The following SLC8B1 variants were observed in gnomAD, a reference collection of about 807,000 sequenced individuals.
SLC8B1 encodes mitochondrial sodium/calcium exchanger protein.
In SLC8B1, 52 loss-of-function variants were observed where a neutral mutation model predicts 63.4. That is an observed-to-expected ratio of 0.82 (90% CI 0.66 to 1.03). The LOEUF (loss-of-function observed/expected upper bound fraction) is 1.03. Among genes scored for constraint, SLC8B1 ranks in the 50% least tolerant of loss-of-function variants. The pLI is 0.00. For missense variants in SLC8B1, 657 were observed against 741.7 expected, an observed-to-expected ratio of 0.89 and a Z score of 1.33; for synonymous variants, 336 against 323.9, an observed-to-expected ratio of 1.04 and a Z score of -0.40.
intron 10 of SLC8B1, among the ~76,000 whole-genome samples, chr12:113,315,956 G>A (rs1593248404): frequency 6.6e-6 from 1 of 152,332 alleles, no homozygotes; most frequent in South Asian, 2.1e-4. Flanking sequence ...TGGATGCGGT[G>A]GCTCACGCCT....
intron 3 of SLC8B1, 40 bp from the exon 4 acceptor site, chr12:113,321,148 G>C: frequency 1.9e-6 from 3 of 1,613,978 alleles, no homozygotes; most frequent in Non-Finnish European, 2.5e-6. Context: ...GTCAAGTCCA[G>C]CTGGAGACAC....
chr12:113,316,395 TCA>T, intron 10 of SLC8B1, 129 bp downstream of exon 10: 1 of 1,236,252 alleles, frequency 8.1e-7, no homozygotes, highest in South Asian at 1.5e-5. Flanking sequence ...CCCCATCAAA[TCA>T]CAAGTCATGT....
At chr12:113,317,257 A>G (rs1388202397) in intron 8 of SLC8B1, among the ~76,000 whole-genome samples, 2 of 151,964 alleles carry the variant, frequency 1.3e-5, no homozygotes, top group Non-Finnish European at 2.9e-5. Flanking sequence ...ATGCCCAGCT[A>G]ATTTTTAAAA....
At chr12:113,316,093 G>A (rs532396673) in intron 10 of SLC8B1, among the ~76,000 whole-genome samples, 2 of 152,008 alleles carry the variant, frequency 1.3e-5, no homozygotes, top group Admixed American at 6.6e-5. Flanking sequence ...GCGTGGTGGC[G>A]GGCGCCTATA....
At chr12:113,308,681 G>A (rs776098113) in intron 12 of SLC8B1, 3 of 152,120 alleles carry the variant, frequency 2.0e-5, no homozygotes, top group East Asian at 1.9e-4. Flanking sequence ...TGTGGCACAC[G>A]TCGGTACTTG....
chr12:113,311,080 C>T (rs1324905751), intron 11 of SLC8B1, among the ~76,000 whole-genome samples: 2 of 152,130 alleles, frequency 1.3e-5, no homozygotes. Flanking sequence ...TTTGGGAGGC[C>T]ACAGCGTGCA....
intron 11 of SLC8B1, among the ~76,000 whole-genome samples, chr12:113,311,351 A>G (rs1397146520): frequency 1.3e-5 from 2 of 152,040 alleles, no homozygotes; most frequent in African/African-American, 4.8e-5. Context: ...TCAGGAGGCT[A>G]AGGCAGGAGA....
At chr12:113,332,665 T>C (rs1566248316) in intron 2 of SLC8B1, 58 bp downstream of exon 2, 3 of 1,542,946 alleles carry the variant, frequency 1.9e-6, no homozygotes, top group Non-Finnish European at 2.6e-6. Flanking sequence ...TCAATAGATA[T>C]TTATCGATTG....
At chr12:113,312,933 T>C (rs1282229916) in intron 11 of SLC8B1, among the ~76,000 whole-genome samples, 1 of 151,222 alleles carries the variant, frequency 6.6e-6, no homozygotes, top group African/African-American at 2.4e-5. Context: ...TGAGACAGAG[T>C]CTCACTCTGT....
At position 113,320,845 on chromosome 12, in the gene SLC8B1, G is replaced by C. The variant is rs1566239144; in HGVS notation, c.420+5C>G. The C allele has an allele frequency of 6.2e-7, 1 of 1,601,524 alleles. No homozygotes were observed. The highest frequency in any genetic ancestry group is 1.1e-5 in the South Asian group (1 of 88,482). On this transcript the variant is annotated splice_donor_5th_base_variant and intron_variant, in intron 5 of 15. Transcript: ENST00000680972. This position sits in a 1 kb window ranked among gnomAD's most constrained non-coding sequence, Gnocchi z 5.3. ...CAGGGTGCAGGACACTGGACAAAAGGATACTGCCACGTTGTGGGAGAGCTT... is the reference window on the plus strand; with the variant it reads ...CAGGGTGCAGGACACTGGACAAAAGCATACTGCCACGTTGTGGGAGAGCTT...
chr12:113,313,820 G>A (rs1956795548), intron 11 of SLC8B1, among the ~76,000 whole-genome samples: 1 of 151,996 alleles, frequency 6.6e-6, no homozygotes. Context: ...TGACTGATGT[G>A]TGGGAATCAC....
chr12:113,333,392 C>T (rs1957083723), intron 1 of SLC8B1, among the ~76,000 whole-genome samples: 1 of 152,222 alleles, frequency 6.6e-6, no homozygotes, highest in South Asian at 2.1e-4. Flanking sequence ...CTCTGGGCCA[C>T]CAGTTTGAGA....
rs144434177 is a variant in SLC8B1 at position 113,299,863 on chromosome 12, C to T, written c.1669G>A (p.Gly557Ser). The change falls in exon 16 of 16, where the codon GGC (glycine) becomes AGC (serine). Residue 557 changes from glycine to serine, a missense_variant. Physicochemically the swap from Gly to Ser is moderately conservative, Grantham distance 56 (BLOSUM62 0). Transcript: ENST00000680972. ...LQCFQLSRVYGFCLLLFYLNF... is the reference protein window; with the variant it reads ...LQCFQLSRVYSFCLLLFYLNF... ...AGGTAGAAGAGGAGCAGGCAGAAGC[C>T]ATAGACTCTGCTGAGCTGGAAGCAC... The T allele has an allele frequency of 4.3e-6, 7 of 1,614,018 alleles. No individual in the cohort carries two copies. The African/African-American group carries it at 6.7e-5, about 15-fold the overall frequency.
At position 113,314,062 on chromosome 12, in the gene SLC8B1, T is replaced by C. The variant is rs558577934; in HGVS notation, c.1135+1273A>G. On this transcript the variant is annotated intron_variant, in intron 11 of 15. Transcript: ENST00000680972. ...AAATAAATAAAGATGCCACAACGCT[T>C]GTGAAAGCAAGTCCCTGGATTTGCC... Among the ~76,000 whole-genome samples, 3 of 152,248 alleles carry C rather than the reference T, an allele frequency of 2.0e-5. No homozygotes were observed. In the East Asian group the frequency reaches 5.8e-4, roughly 29 times the overall value.
At chr12:113,319,592 G>C (rs1028457470) in intron 7 of SLC8B1, among the ~76,000 whole-genome samples, 3 of 152,198 alleles carry the variant, frequency 2.0e-5, no homozygotes, top group South Asian at 2.1e-4. Flanking sequence ...CGAGGGATGA[G>C]TGCGTTCGCA....
rs140805006 is a variant in SLC8B1 at position 113,305,628 on chromosome 12, C to T, written c.1492+867G>A. Among the ~76,000 whole-genome samples, 301 of 152,346 alleles carry T rather than the reference C, an allele frequency of 2.0e-3. 1 individual carries two copies. Among genetic ancestry groups the T allele is most frequent in the Non-Finnish European group, 3.8e-3 (258 of 68,024 alleles). On this transcript the variant is annotated intron_variant, in intron 14 of 15. Transcript: ENST00000680972. The surrounding 1 kb of genome is among the most constrained non-coding windows in gnomAD (Gnocchi z 4.3). The stretch of plus-strand genomic sequence containing the variant: ...CAGCCCTCCGGCCAAATTTGGCCCA[C>T]TAACTGCTTTTATAAATAAAGTTTT...
In SLC8B1 at chr12:113,320,176, A is replaced by G; in HGVS notation, c.694+155T>C. On this transcript the variant is annotated intron_variant, in intron 7 of 15. Transcript: ENST00000680972. The surrounding 1 kb of genome is among the most constrained non-coding windows in gnomAD (Gnocchi z 5.3). Reference sequence around the variant, plus strand: ...TTGGTTATGTGACCCACATGTTCCCATTTTTGCTCAAGCCAGCTTGAGGAG... The same window carrying G: ...TTGGTTATGTGACCCACATGTTCCCGTTTTTGCTCAAGCCAGCTTGAGGAG... The G allele has an allele frequency of 1.1e-6, 1 of 892,260 alleles. No homozygotes were observed. The highest frequency in any genetic ancestry group is 1.7e-6 in the Non-Finnish European group (1 of 588,900). 55.3% of individuals were successfully genotyped at this position (892,260 alleles called of 1,614,324 possible). A position where few individuals can be genotyped will look rare whatever the true frequency, so the allele number is the denominator to read the frequency against.
At chr12:113,333,027 G>T in intron 1 of SLC8B1, 67 bp from the exon 2 acceptor site, 1 of 974,740 alleles carries the variant, frequency 1.0e-6, no homozygotes, top group Non-Finnish European at 1.5e-6. Flanking sequence ...AAAAGGGGCT[G>T]GAAGACTCTA....
At chr12:113,326,838 G>A (rs575632665) in intron 2 of SLC8B1, among the ~76,000 whole-genome samples, 1 of 151,920 alleles carries the variant, frequency 6.6e-6, no homozygotes, top group African/African-American at 2.4e-5. Flanking sequence ...CCCACAACCC[G>A]GCCCTACTAT....
Sources: allele counts gnomAD v4.1 joint callset (sites outside exome capture counted in the v4.1 genomes callset), GRCh38; gene constraint gnomAD v4.1.1; non-coding constraint Gnocchi (gnomAD v3.1); transcripts MANE v1.5; gene names NCBI Gene and HGNC (gene_info 2026-07-23, HGNC 2026-07-21).